The following ABHD12 variants were observed in gnomAD, a reference collection of about 807,000 sequenced individuals.
The protein encoded by ABHD12 is lysophosphatidylserine lipase ABHD12.
A neutral mutation model predicts 58.3 loss-of-function variants in ABHD12; 43 were observed. That is an observed-to-expected ratio of 0.74 (90% CI 0.58 to 0.95). ABHD12 has a LOEUF of 0.95. Ranked by LOEUF, ABHD12 falls within the 40% of genes least tolerant of loss-of-function variation. ABHD12 has a pLI of 0.00. For missense variants in ABHD12, 539 were observed against 537.2 expected, an observed-to-expected ratio of 1.00 and a Z score of -0.03; for synonymous variants, 219 against 211.2, an observed-to-expected ratio of 1.04 and a Z score of -0.32.
intron 1 of ABHD12, among the ~76,000 whole-genome samples, chr20:25,385,009 G>A (rs1039809443): frequency 6.6e-6 from 1 of 152,110 alleles, no homozygotes; most frequent in African/African-American, 2.4e-5. Context: ...GTGTATGTAT[G>A]GATATTAGAT....
intron 1 of ABHD12, among the ~76,000 whole-genome samples, chr20:25,377,495 T>C (rs368590115): frequency 6.6e-6 from 1 of 152,270 alleles, no homozygotes; most frequent in African/African-American, 2.4e-5. Flanking sequence ...TGGTGGGGAC[T>C]CCGAAGAGTC....
chr20:25,357,651 T>A (rs189810962), intron 1 of ABHD12, among the ~76,000 whole-genome samples: 1 of 152,266 alleles, frequency 6.6e-6, no homozygotes, highest in East Asian at 1.9e-4. Context: ...TTATGCAACA[T>A]ATATATAAAA....
chr20:25,386,765 C>A (rs1317140200), intron 1 of ABHD12, among the ~76,000 whole-genome samples: 1 of 151,920 alleles, frequency 6.6e-6, no homozygotes, highest in African/African-American at 2.4e-5. Context: ...CCTGTAATCC[C>A]AGCTACCCGG....
chr20:25,373,922 ATGCAT>A (rs902629719), intron 1 of ABHD12, among the ~76,000 whole-genome samples: 3 of 151,870 alleles, frequency 2.0e-5, no homozygotes, highest in Admixed American at 6.6e-5. Context: ...TAGCATAGTG[ATGCAT>A]TTATTTATTT....
At chr20:25,313,763 AGAGT>A (rs954785534) in intron 6 of ABHD12, among the ~76,000 whole-genome samples, 40 of 148,170 alleles carry the variant, frequency 2.7e-4, no homozygotes, top group African/African-American at 8.4e-4. Context: ...GCTGGGTGAC[AGAGT>A]GAGACCCTGT....
chr20:25,300,874 C>T lies in ABHD12; in HGVS notation c.1168G>A (p.Gly390Arg). 6.2e-7 allele frequency: 1 copy of T among 1,614,002 alleles called. No individual in the cohort carries two copies. The highest frequency in any genetic ancestry group is 2.2e-5 in the East Asian group (1 of 44,884). The change falls in exon 13 of 13, where the codon GGG becomes AGG. Residue 390 changes from glycine (G) to arginine (R), a missense_variant. Transcript: ENST00000339157. The stretch of plus-strand genomic sequence containing the variant: ...TGCTGGTGCTCAGGCTCCGACTTCC[C>T]CAGGAATTCCCTAGACCACAGGACA... Reference protein sequence around the residue: ...ELPRILREFLGKSEPEHQH With the variant: ...ELPRILREFLRKSEPEHQH
At chr20:25,310,645 G>C (rs1245983244) in intron 6 of ABHD12, among the ~76,000 whole-genome samples, 2 of 152,156 alleles carry the variant, frequency 1.3e-5, no homozygotes, top group Admixed American at 6.5e-5. Flanking sequence ...GAGACAGAAA[G>C]AAAAGAACAG....
chr20:25,298,092 T>C (rs1288321664), downstream of ABHD12: 3 of 152,244 alleles, frequency 2.0e-5, no homozygotes, highest in Admixed American at 2.0e-4. Context: ...AACACAGGCC[T>C]GAGGCCCAGG....
intron 6 of ABHD12, among the ~76,000 whole-genome samples, chr20:25,314,353 T>C (rs191021516): frequency 8.5e-4 from 130 of 152,238 alleles, no homozygotes; most frequent in African/African-American, 3.0e-3. Context: ...CGTCCAGCTC[T>C]GCAGTCTAAA....
chr20:25,313,689 G>A (rs1339175579), intron 6 of ABHD12, among the ~76,000 whole-genome samples: 3 of 152,146 alleles, frequency 2.0e-5, no homozygotes, highest in Non-Finnish European at 4.4e-5. Context: ...GGCTGAGTTG[G>A]GAAGATCACT....
intron 2 of ABHD12, among the ~76,000 whole-genome samples, chr20:25,326,902 C>T (rs1324535220): frequency 6.6e-6 from 1 of 152,160 alleles, no homozygotes; most frequent in African/African-American, 2.4e-5. Flanking sequence ...CACTCCTTAC[C>T]TTAGTCCCCA....
At position 25,370,414 on chromosome 20, in the gene ABHD12, C is replaced by T. The variant is rs2089885387; in HGVS notation, c.191+20099G>A. 2.0e-5 allele frequency among the ~76,000 whole-genome samples: 3 copies of T among 152,146 alleles called. 1 individual carries two copies. The highest frequency in any genetic ancestry group is 2.0e-4 in the Admixed American group (3 of 15,274). ...CCAACTCCAAGAAAAGACTTCTGTG[C>T]CCTCAGAAGCCCACCCCTCAGGCAC... is the stretch of plus-strand genomic sequence containing the variant. On this transcript the variant is annotated intron_variant, in intron 1 of 12. Coordinates refer to ENST00000339157, the MANE Select transcript of ABHD12 (RefSeq NM_001042472.3).
intron 1 of ABHD12, among the ~76,000 whole-genome samples, chr20:25,371,250 A>C (rs2089896522): frequency 6.6e-6 from 1 of 152,178 alleles, no homozygotes; most frequent in Non-Finnish European, 1.5e-5. Flanking sequence ...GGCAATGCCT[A>C]CATTGGGGTG....
At chr20:25,317,497 C>T (rs1399606166) in intron 4 of ABHD12, among the ~76,000 whole-genome samples, 3 of 152,226 alleles carry the variant, frequency 2.0e-5, no homozygotes, top group Non-Finnish European at 4.4e-5. Context: ...TCTCAGCCGA[C>T]CTTCAGAACT....
chr20:25,303,702 G>T (rs1209895344), intron 10 of ABHD12, 74 bp from the exon 11 acceptor site: 12 of 1,598,556 alleles, frequency 7.5e-6, no homozygotes, highest in South Asian at 6.7e-5. Context: ...TCCATGGCAG[G>T]GATCTGGGTT....
intron 4 of ABHD12, among the ~76,000 whole-genome samples, chr20:25,318,391 G>T (rs2089001898): frequency 6.6e-6 from 1 of 152,224 alleles, no homozygotes; most frequent in Admixed American, 6.5e-5. Flanking sequence ...AGTTATCATT[G>T]TAAGAGTTCA....
intron 2 of ABHD12, among the ~76,000 whole-genome samples, chr20:25,326,771 C>A (rs2089183725): frequency 6.6e-6 from 1 of 151,802 alleles, no homozygotes; most frequent in Non-Finnish European, 1.5e-5. Flanking sequence ...CTATGGTATA[C>A]CTGTTGTTAG....
intron 12 of ABHD12, among the ~76,000 whole-genome samples, chr20:25,301,491 C>T (rs1210361364): frequency 6.6e-6 from 1 of 152,246 alleles, no homozygotes; most frequent in African/African-American, 2.4e-5. Flanking sequence ...TGCTTAGGGT[C>T]GAAGTACCAC....
At chr20:25,356,824 C>T (rs943286286) in intron 1 of ABHD12, among the ~76,000 whole-genome samples, 1 of 152,092 alleles carries the variant, frequency 6.6e-6, no homozygotes, top group Non-Finnish European at 1.5e-5. Context: ...GCAGGCATCT[C>T]GAATGAGGAC....
Sources: allele counts gnomAD v4.1 joint callset (sites outside exome capture counted in the v4.1 genomes callset), GRCh38; gene constraint gnomAD v4.1.1; transcripts MANE v1.5; gene names NCBI Gene and HGNC (gene_info 2026-07-23, HGNC 2026-07-21).